Variants in SAMSN1 observed in about 807,000 individuals in gnomAD.
SAMSN1 encodes the protein SAM domain-containing protein SAMSN-1.
SAMSN1 carries 31 observed loss-of-function variants against 42.0 expected under a neutral mutation model. The observed-to-expected ratio is 0.74, with a 90% CI of 0.55 to 1.00. SAMSN1 has a LOEUF of 1.00. Among genes scored for constraint, SAMSN1 ranks in the 50% least tolerant of loss-of-function variants. SAMSN1 has a pLI of 0.00. For missense variants in SAMSN1, 464 were observed against 439.4 expected (o/e 1.06, Z -0.50); for synonymous variants, 178 against 151.9 (o/e 1.17, Z -1.26).
upstream of SAMSN1, among the ~76,000 whole-genome samples, chr21:14,549,830 C>G (rs142902142): frequency 5.0e-3 from 754 of 151,962 alleles, 7 homozygotes; most frequent in African/African-American, 0.016. Flanking sequence ...AGACTTCTTT[C>G]TATAGTACAG....
chr21:14,510,464 G>A lies in SAMSN1; in HGVS notation c.410-3C>T. On this transcript the variant is annotated splice_region_variant and splice_polypyrimidine_tract_variant and intron_variant, in intron 4 of 7. Coordinates refer to ENST00000400566, the MANE Select transcript of SAMSN1 (RefSeq NM_022136.5). ...ATCTGAACAGCTTGTTATGCCACCT[G>A]ATGAAAGCAGAAGTTCACAGTTGTC... 2 of 1,614,082 alleles carry A rather than the reference G, an allele frequency of 1.2e-6. No homozygotes were observed. The highest frequency in any genetic ancestry group is 1.7e-6 in the Non-Finnish European group (2 of 1,179,960).
At position 14,500,618 on chromosome 21, in the gene SAMSN1, C is replaced by A; in HGVS notation, c.679G>T (p.Ala227Ser). ...IYVDVISEEE[A>S]APKKIKANRR... ...TTTGCCTTTATTTTCTTGGGGGCTG[C>A]TTCCTCTTCTGAGATGACATCCACA... Residue 227 changes from alanine (A) to serine (S), a missense_variant, in exon 6 of 8, where the codon GCA becomes TCA. Physicochemically the swap from Ala to Ser is moderately conservative, Grantham distance 99. Coordinates refer to ENST00000400566, the MANE Select transcript of SAMSN1 (RefSeq NM_022136.5). The A allele has an allele frequency of 6.2e-7, 1 of 1,614,092 alleles. No homozygotes were observed. Among genetic ancestry groups the A allele is most frequent in the South Asian group, 1.1e-5 (1 of 91,078 alleles).
intron 1 of SAMSN1, among the ~76,000 whole-genome samples, chr21:14,646,793 TTTAA>T (rs1480901334): frequency 1.3e-5 from 2 of 152,194 alleles, no homozygotes; most frequent in Non-Finnish European, 2.9e-5. Context: ...TGTATAGAGT[TTTAA>T]TTAGTTTTCT....
At chr21:14,522,587 T>G (rs1255052434) in intron 1 of SAMSN1, among the ~76,000 whole-genome samples, 1 of 151,990 alleles carries the variant, frequency 6.6e-6, no homozygotes, top group Non-Finnish European at 1.5e-5. Context: ...CAAAACCAGG[T>G]GTAACAAAAT....
At chr21:14,556,924 C>T (rs1600928446) in intron 2 of SAMSN1, among the ~76,000 whole-genome samples, 1 of 152,048 alleles carries the variant, frequency 6.6e-6, no homozygotes, top group Non-Finnish European at 1.5e-5. Context: ...ACCGAATATC[C>T]AAGTTAACAT....
chr21:14,497,551 C>T lies in SAMSN1; in HGVS notation c.919+891G>A, dbSNP rs536271559. On this transcript the variant is annotated intron_variant, in intron 7 of 7. Transcript: ENST00000400566. Reference sequence around the variant, plus strand: ...AGGTCGCGGTGAGCCGAGATCGCACCGCTGCGCTCCACCCGGGACAGCAGA... The same window carrying T: ...AGGTCGCGGTGAGCCGAGATCGCACTGCTGCGCTCCACCCGGGACAGCAGA... Among the ~76,000 whole-genome samples the T allele has an allele frequency of 6.6e-5, 10 of 152,158 alleles. 1 individual carries two copies. The highest frequency in any genetic ancestry group is 2.0e-4 in the Admixed American group (3 of 15,286).
intron 5 of SAMSN1, among the ~76,000 whole-genome samples, chr21:14,606,083 G>C (rs959426430): frequency 6.6e-6 from 1 of 151,950 alleles, no homozygotes; most frequent in Non-Finnish European, 1.5e-5. Flanking sequence ...CTCATGATCC[G>C]CCCGCCTCGG....
intron 6 of SAMSN1, among the ~76,000 whole-genome samples, chr21:14,499,236 G>A (rs753683147): frequency 2.0e-5 from 3 of 152,028 alleles, no homozygotes; most frequent in Non-Finnish European, 4.4e-5. Flanking sequence ...TATTTTGTCC[G>A]TCATTTGAAT....
Position 14,590,518 on chromosome 21 carries a change from A to T in SAMSN1, c.465+3495T>A, listed in dbSNP as rs1982050104. Among the ~76,000 whole-genome samples the T allele has an allele frequency of 2.0e-5, 3 of 152,080 alleles. No homozygotes were observed. The South Asian group carries it at 6.2e-4, about 32-fold the overall frequency. On this transcript the variant is annotated intron_variant, in intron 7 of 15. Coordinates refer to the SAMSN1 transcript ENST00000647101. ...GGCTTGTCTTGAACTCCTGGCTTTA[A>T]CCAATCCTCCTGCTTCAGCCTCCCA...
At chr21:14,614,444 C>T (rs943629097) in intron 3 of SAMSN1, among the ~76,000 whole-genome samples, 1 of 152,132 alleles carries the variant, frequency 6.6e-6, no homozygotes, top group African/African-American at 2.4e-5. Flanking sequence ...TAGGACTATG[C>T]TGACTTGACT....
In SAMSN1 at chr21:14,495,182, A is replaced by G. The variant is rs538049840; in HGVS notation, c.919+3260T>C. Among the ~76,000 whole-genome samples, 52 of 152,322 alleles carry G rather than the reference A, an allele frequency of 3.4e-4. 1 individual carries two copies. Among genetic ancestry groups the G allele is most frequent in the African/African-American group, 1.2e-3 (51 of 41,590 alleles). The stretch of plus-strand genomic sequence containing the variant: ...ACATGCATTTGTTTTTAAATGTCTC[A>G]GTTTTATATAACCATATACTCAAGG... On this transcript the variant is annotated intron_variant, in intron 7 of 7. Transcript: ENST00000400566.
At chr21:14,621,455 A>G (rs1294834693) in intron 2 of SAMSN1, among the ~76,000 whole-genome samples, 1 of 152,112 alleles carries the variant, frequency 6.6e-6, no homozygotes. Flanking sequence ...CTAATACTGC[A>G]CTTTTCCAAC....
intron 1 of SAMSN1, among the ~76,000 whole-genome samples, chr21:14,542,718 G>A (rs1328678193): frequency 6.6e-6 from 1 of 152,122 alleles, no homozygotes; most frequent in Non-Finnish European, 1.5e-5. Context: ...TTTGAGATGG[G>A]AAGATCACTT....
intron 5 of SAMSN1, among the ~76,000 whole-genome samples, chr21:14,503,684 T>C (rs1008950668): frequency 6.6e-6 from 1 of 152,122 alleles, no homozygotes; most frequent in African/African-American, 2.4e-5. Context: ...GTACTAGACA[T>C]TTCCGGGGCA....
intron 5 of SAMSN1, among the ~76,000 whole-genome samples, chr21:14,509,125 A>C (rs1987560355): frequency 6.6e-6 from 1 of 151,796 alleles, no homozygotes; most frequent in Non-Finnish European, 1.5e-5. Context: ...AAAAGAAAAA[A>C]ACAAAAGAAA....
intron 7 of SAMSN1, chr21:14,591,911 A>C (rs1982097631): frequency 6.6e-6 from 1 of 152,176 alleles, no homozygotes; most frequent in Non-Finnish European, 1.5e-5. Context: ...TTCAGAAGCC[A>C]CACAGGCCCA....
At chr21:14,523,480 T>C (rs981997963) in intron 1 of SAMSN1, 5 of 152,190 alleles carry the variant, frequency 3.3e-5, no homozygotes, top group African/African-American at 1.2e-4. Context: ...CTTACTAGCC[T>C]ACAGTGGCTT....
At position 14,604,198 on chromosome 21, in the gene SAMSN1, G is replaced by A. The variant is rs145801904; in HGVS notation, c.323-2099C>T. 3.9e-3 allele frequency among the ~76,000 whole-genome samples: 598 copies of A among 152,282 alleles called. 5 individuals are homozygous for A. Among genetic ancestry groups the A allele is most frequent in the African/African-American group, 0.013 (522 of 41,558 alleles). ...AGAATCTATTTGGTCCTAAGTAGCA[G>A]CAAAGGCAGGAGTTGAATTAGACAA... On this transcript the variant is annotated intron_variant, in intron 5 of 15. Transcript: ENST00000647101.
chr21:14,555,507 C>T (rs972995804), intron 2 of SAMSN1, among the ~76,000 whole-genome samples: 4 of 152,150 alleles, frequency 2.6e-5, no homozygotes, highest in Non-Finnish European at 5.9e-5. Context: ...CAATACCACC[C>T]CTACCTTAAA....
Sources: allele counts gnomAD v4.1 joint callset (sites outside exome capture counted in the v4.1 genomes callset), GRCh38; gene constraint gnomAD v4.1.1; transcripts MANE v1.5; gene names NCBI Gene and HGNC (gene_info 2026-07-23, HGNC 2026-07-21).